Variants in SLC24A2 observed in about 807,000 individuals in gnomAD.
The protein encoded by SLC24A2 is solute carrier family 24 member 2.
Under a neutral mutation model 62.0 loss-of-function variants are expected in SLC24A2, and 36 were observed. The observed-to-expected ratio is 0.58, with a 90% CI of 0.44 to 0.77. SLC24A2 has a LOEUF of 0.77. SLC24A2 is among the 30% of genes least tolerant of loss of function. The pLI is 0.00. For missense variants in SLC24A2, 846 were observed against 817.9 expected, an observed-to-expected ratio of 1.03 and a Z score of -0.42; for synonymous variants, 358 against 294.0, an observed-to-expected ratio of 1.22 and a Z score of -2.23.
the SLC24A2 span, among the ~76,000 whole-genome samples, chr9:20,188,193 A>G: frequency 6.6e-6 from 1 of 152,176 alleles, no homozygotes. Context: ...GCATCCCCAA[A>G]TTAGAGAACA....
chr9:20,193,842 T>A, the SLC24A2 span, among the ~76,000 whole-genome samples: 1 of 152,102 alleles, frequency 6.6e-6, no homozygotes, highest in African/African-American at 2.4e-5. Flanking sequence ...GTTTTGTTTT[T>A]AAATATGGCA....
the SLC24A2 span, among the ~76,000 whole-genome samples, chr9:20,066,708 T>G: frequency 6.6e-6 from 1 of 152,192 alleles, no homozygotes; most frequent in African/African-American, 2.4e-5. Context: ...AAAGGGCTAC[T>G]AGGAGTGAAT....
the SLC24A2 span, among the ~76,000 whole-genome samples, chr9:20,306,663 C>T: frequency 3.3e-5 from 5 of 152,278 alleles, no homozygotes; most frequent in African/African-American, 4.8e-5. Context: ...ATCACAGCTA[C>T]ACCCCTTTAC....
chr9:19,919,927 G>A, the SLC24A2 span, among the ~76,000 whole-genome samples: 1 of 152,158 alleles, frequency 6.6e-6, no homozygotes, highest in African/African-American at 2.4e-5. Context: ...AAGATGAGAT[G>A]TGGGTGGGGA....
At chr9:19,977,282 TA>T in the SLC24A2 span, among the ~76,000 whole-genome samples, 2 of 152,034 alleles carry the variant, frequency 1.3e-5, no homozygotes, top group African/African-American at 4.8e-5. Flanking sequence ...TACATAAAAA[TA>T]AAAAGCGCTT....
At chr9:19,961,023 G>GGTGTGTGTGTGTGTGTGT in the SLC24A2 span, among the ~76,000 whole-genome samples, 6 of 141,618 alleles carry the variant, frequency 4.2e-5, no homozygotes, top group African/African-American at 1.4e-4. Context: ...TAGAGGGGTG[G>GGTGTGTGTGTGTGTGTGT]GTGTGTGTGT....
At chr9:19,919,511 C>A in the SLC24A2 span, among the ~76,000 whole-genome samples, 2 of 152,114 alleles carry the variant, frequency 1.3e-5, no homozygotes, top group South Asian at 4.1e-4. Context: ...CCAACATATA[C>A]TTAGGACAAA....
chr9:20,089,274 C>T, the SLC24A2 span, among the ~76,000 whole-genome samples: 2 of 152,216 alleles, frequency 1.3e-5, no homozygotes, highest in Middle Eastern at 3.4e-3. Flanking sequence ...GGTCCCGGTC[C>T]CGGTCCCGGT....
chr9:19,654,633 T>C (rs1818892939), intron 2 of SLC24A2, among the ~76,000 whole-genome samples: 1 of 152,200 alleles, frequency 6.6e-6, no homozygotes, highest in Non-Finnish European at 1.5e-5. Flanking sequence ...TCTGGGAATC[T>C]TGCACCAGCT....
the SLC24A2 span, among the ~76,000 whole-genome samples, chr9:20,036,873 T>C: frequency 1.3e-5 from 2 of 150,416 alleles, no homozygotes; most frequent in South Asian, 2.2e-4. Flanking sequence ...CATATGTATA[T>C]ATGTGTGTGT....
the SLC24A2 span, among the ~76,000 whole-genome samples, chr9:20,063,987 TGAGA>T: frequency 5.9e-5 from 9 of 152,178 alleles, no homozygotes; most frequent in African/African-American, 2.2e-4. Flanking sequence ...AGAATCTACC[TGAGA>T]AATAAAAACA....
chr9:19,895,677 C>T, the SLC24A2 span: 18,268 of 777,760 alleles, frequency 0.023, 271 homozygotes, highest in South Asian at 0.043. Flanking sequence ...CTCCTGCCTT[C>T]CTTCACATTG....
the SLC24A2 span, among the ~76,000 whole-genome samples, chr9:20,154,492 A>T: frequency 6.6e-6 from 1 of 151,792 alleles, no homozygotes; most frequent in Admixed American, 6.6e-5. Flanking sequence ...ATGGGATTTT[A>T]ACAGGGTTTT....
the SLC24A2 span, among the ~76,000 whole-genome samples, chr9:19,996,116 A>G: frequency 6.6e-6 from 1 of 152,348 alleles, no homozygotes; most frequent in East Asian, 1.9e-4. Context: ...TGTAAGGAGC[A>G]TGGGGTGTCA....
At chr9:20,096,838 G>A in the SLC24A2 span, among the ~76,000 whole-genome samples, 1 of 151,358 alleles carries the variant, frequency 6.6e-6, no homozygotes, top group Admixed American at 6.6e-5. Context: ...GTTTCATTTT[G>A]TTTTCAGAAA....
chr9:20,192,303 G>C, the SLC24A2 span, among the ~76,000 whole-genome samples: 2 of 152,222 alleles, frequency 1.3e-5, no homozygotes, highest in Middle Eastern at 3.4e-3. Flanking sequence ...GCTGGGGCTG[G>C]GGAGGCCTGG....
At chr9:19,997,146 A>G in the SLC24A2 span, among the ~76,000 whole-genome samples, 1 of 152,198 alleles carries the variant, frequency 6.6e-6, no homozygotes, top group African/African-American at 2.4e-5. Context: ...AGACAAGAAG[A>G]GAGATTTAGA....
the SLC24A2 span, among the ~76,000 whole-genome samples, chr9:20,204,742 C>T: frequency 9.9e-4 from 131 of 132,236 alleles, 6 homozygotes; most frequent in East Asian, 0.026. Context: ...AAAAGTATAA[C>T]TTTTTTTTTT....
the SLC24A2 span, among the ~76,000 whole-genome samples, chr9:20,272,418 C>A: frequency 3.0e-4 from 45 of 152,264 alleles, no homozygotes; most frequent in Admixed American, 1.5e-3. Context: ...CTCAGCCTCC[C>A]TAATTTTTTA....
Sources: gnomAD v4.1 joint callset for allele counts (sites outside exome capture counted in the v4.1 genomes callset) on GRCh38, gnomAD v4.1.1 for gene constraint, MANE v1.5 for transcripts, NCBI Gene and HGNC (gene_info 2026-07-23, HGNC 2026-07-21) for gene names.